Variants in ATP13A3 observed in about 807,000 individuals in gnomAD.
ATP13A3 encodes ATPase 13A3, also known as polyamine-transporting ATPase 13A3.
In ATP13A3, 59 loss-of-function variants were observed where a neutral mutation model predicts 158.1. The observed-to-expected ratio is 0.37, with a 90% CI of 0.30 to 0.46. The LOEUF is 0.46. Ranked by LOEUF, ATP13A3 falls within the 20% of genes least tolerant of loss-of-function variation. The probability of loss-of-function intolerance (pLI) is 1.00; values close to 1 mark genes in which losing one functional copy is unlikely to be tolerated. For synonymous variants in ATP13A3, 491 were observed against 504.3 expected (o/e 0.97, Z 0.35); for missense variants, 1,166 against 1,525.2 (o/e 0.76, Z 3.92).
At chr3:194,455,351 A>G (rs961260653) in intron 8 of ATP13A3, among the ~76,000 whole-genome samples, 29 of 152,214 alleles carry the variant, frequency 1.9e-4, no homozygotes, top group African/African-American at 7.0e-4. Context: ...TTTTCAAAGC[A>G]CTTTCATATA....
At chr3:194,470,430 G>A (rs185317236) in intron 2 of ATP13A3, among the ~76,000 whole-genome samples, 113 of 152,064 alleles carry the variant, frequency 7.4e-4, no homozygotes, top group African/African-American at 2.7e-3. Context: ...GTACTTTATC[G>A]CTTTTATCAT....
chr3:194,425,486 C>A lies in ATP13A3; in HGVS notation c.3169G>T (p.Val1057Leu), dbSNP rs760025962. The change falls in exon 30 of 34, where the codon GTA becomes TTA. Residue 1057 changes from valine (V) to leucine (L), a missense_variant. This residue lies in a region of ATP13A3 where 997 missense variants were observed against 1,341.2 expected (regional missense o/e 0.74). Transcript: ENST00000645319. ...TCATCAAGTTCGGTTTCATTGTCTACGTGTGAAGAATTCCAAAACCCGCTT... is the reference window on the plus strand; with the variant it reads ...TCATCAAGTTCGGTTTCATTGTCTAAGTGTGAAGAATTCCAAAACCCGCTT... ...TGSGFWNSSH[V>L]DNETELDEHN... The A allele has an allele frequency of 6.2e-7, 1 of 1,612,906 alleles. No individual in the cohort carries two copies. The highest frequency in any genetic ancestry group is 1.1e-5 in the South Asian group (1 of 90,616).
At chr3:194,421,068 A>G (rs1331118004) in intron 30 of ATP13A3, among the ~76,000 whole-genome samples, 24 of 126,374 alleles carry the variant, frequency 1.9e-4, no homozygotes, top group Admixed American at 1.9e-3. Context: ...TTCTACAGAA[A>G]CTATACTATA....
chr3:194,432,150 T>A (rs1381262079), intron 21 of ATP13A3: 1 of 385,304 alleles, frequency 2.6e-6, no homozygotes, highest in African/African-American at 2.1e-5. Context: ...TAATTCTCAA[T>A]CTTTTCCAGT....
intron 21 of ATP13A3, 27 bp from the exon 22 acceptor site, chr3:194,431,919 T>C (rs1484574932): frequency 5.3e-6 from 8 of 1,519,034 alleles, no homozygotes; most frequent in Non-Finnish European, 7.1e-6. Flanking sequence ...TTTAAATGTA[T>C]TGAAATTAAA....
At chr3:194,453,554 G>T in intron 10 of ATP13A3, 152 bp downstream of exon 10, 1 of 614,050 alleles carries the variant, frequency 1.6e-6, no homozygotes, top group African/African-American at 1.9e-5. Flanking sequence ...AGCTGAGATT[G>T]TGCCTTTGCA....
In ATP13A3 at chr3:194,467,761, C is replaced by T. The variant is rs916834234; in HGVS notation, c.-46-5525G>A. ...TTTCAATGACTGAGAGGATAAAAAACCACATAAACATATTTAAAATACACT... is the reference window on the plus strand; with the variant it reads ...TTTCAATGACTGAGAGGATAAAAAATCACATAAACATATTTAAAATACACT... On this transcript the variant is annotated intron_variant, in intron 2 of 33. Coordinates refer to ENST00000645319, the MANE Select transcript of ATP13A3 (RefSeq NM_001367549.1). 3.3e-5 allele frequency: 5 copies of T among 151,824 alleles called. No individual in the cohort carries two copies. In the East Asian group the frequency reaches 9.6e-4, roughly 29 times the overall value. The allele number at this position is 151,824 out of a possible 1,614,324, so 9.4% of individuals were successfully genotyped here.
At chr3:194,408,163 G>A (rs1404487673) in intron 33 of ATP13A3, among the ~76,000 whole-genome samples, 2 of 151,970 alleles carry the variant, frequency 1.3e-5, no homozygotes, top group African/African-American at 4.8e-5. Context: ...GGGACTACAG[G>A]CACGCGCCAC....
chr3:194,477,940 A>C lies in ATP13A3; in HGVS notation c.-47+7854T>G, dbSNP rs75092115. ...TTTAGTTTGAGACCACTTATGGTTA[A>C]TTCTTCAGCAGACAGAAAGTTCTCA... is the stretch of plus-strand genomic sequence containing the variant. On this transcript the variant is annotated intron_variant, in intron 2 of 33. Transcript: ENST00000645319. 4.9e-3 allele frequency among the ~76,000 whole-genome samples: 744 copies of C among 152,294 alleles called. 2 individuals carry two copies. Among genetic ancestry groups the C allele is most frequent in the African/African-American group, 0.017 (692 of 41,536 alleles).
At chr3:194,416,381 C>T (rs1307067298) in intron 31 of ATP13A3, among the ~76,000 whole-genome samples, 1 of 152,026 alleles carries the variant, frequency 6.6e-6, no homozygotes, top group African/African-American at 2.4e-5. Flanking sequence ...TTGCTTGAAC[C>T]CGGGAGGTGG....
rs200844810 is a variant in ATP13A3, at chr3:194,410,349, G to GCAT, written c.3573+1847_3573+1849dup. Among the ~76,000 whole-genome samples the GCAT allele has an allele frequency of 4.1e-3, 568 of 139,562 alleles. 8 individuals carry two copies. The highest frequency in any genetic ancestry group is 0.014 in the African/African-American group (522 of 38,108). The allele number at this position is 139,562 out of a possible 152,430, so 91.6% of individuals were successfully genotyped here. On this transcript the variant is annotated intron_variant, in intron 33 of 33. Coordinates refer to ENST00000645319, the MANE Select transcript of ATP13A3 (RefSeq NM_001367549.1). ...AAAAAAAACTGCTGGGCCTGGGATG[G>GCAT]CATGCACCTGTAGTTCCATCTACCC...
At chr3:194,476,962 C>CA (rs1720554162) in intron 2 of ATP13A3, among the ~76,000 whole-genome samples, 1 of 152,154 alleles carries the variant, frequency 6.6e-6, no homozygotes, top group South Asian at 2.1e-4. Flanking sequence ...TAAGATCCTA[C>CA]AGACTCTGGC....
chr3:194,410,304 A>AAAG (rs1715278241), intron 33 of ATP13A3, among the ~76,000 whole-genome samples: 1 of 135,600 alleles, frequency 7.4e-6, no homozygotes, highest in East Asian at 2.1e-4. Context: ...TGCAAAAAAA[A>AAAG]AAAAAAAAAA....
At chr3:194,414,070 T>TA (rs1715632940) in intron 31 of ATP13A3, among the ~76,000 whole-genome samples, 1 of 152,138 alleles carries the variant, frequency 6.6e-6, no homozygotes, top group Non-Finnish European at 1.5e-5. Flanking sequence ...TGACTGAGGT[T>TA]AGAGTCAAAT....
At position 194,403,869 on chromosome 3, in the gene ATP13A3, T is replaced by G. The variant is rs1447668376; in HGVS notation, c.*2050A>C. 2.7e-5 allele frequency: 7 copies of G among 255,708 alleles called. No individual in the cohort carries two copies. The highest frequency in any genetic ancestry group is 1.5e-3 in the Middle Eastern group (1 of 676). The allele number at this position is 255,708 out of a possible 1,614,324, so 15.8% of individuals were successfully genotyped here. A position where few individuals can be genotyped will look rare whatever the true frequency, so the allele number is the denominator to read the frequency against. On this transcript the variant is annotated 3_prime_UTR_variant, in exon 34 of 34. Transcript: ENST00000645319. ...ACACCTCATTCCTTTGAAAACAATA[T>G]GGACAGAAGAGATATAAAACCCTTA...
At position 194,450,254 on chromosome 3, in the gene ATP13A3, G is replaced by A. The variant is rs772525422; in HGVS notation, c.861C>T (p.Thr287=). The A allele has an allele frequency of 4.1e-5, 66 of 1,611,954 alleles. No homozygotes were observed. The highest frequency in any genetic ancestry group is 1.9e-4 in the South Asian group (17 of 90,954). Residue 287 remains threonine, a synonymous_variant, in exon 11 of 34, where the codon ACC becomes ACT. Coordinates refer to ENST00000645319, the MANE Select transcript of ATP13A3 (RefSeq NM_001367549.1). ...CCATGACATCTCCTGGCACAAGGTCGGTAGAAAAGATTTCTTCTATTTCTG... is the reference window on the plus strand; with the variant it reads ...CCATGACATCTCCTGGCACAAGGTCAGTAGAAAAGATTTCTTCTATTTCTG... The part of the protein sequence containing the change: ...VNEEIEEIFS[T]DLVPGDVMVI...
chr3:194,460,664 C>G lies in ATP13A3; in HGVS notation c.219G>C (p.Arg73Ser), dbSNP rs1719585667. 6.2e-7 allele frequency: 1 copy of G among 1,613,844 alleles called. No homozygotes were observed. The highest frequency in any genetic ancestry group is 1.3e-5 in the African/African-American group (1 of 75,036). ...AGTAAACACATAAACTTACAGTAGT[C>G]CTCAGCAGCACTACTTCACAGTCTT... is the stretch of plus-strand genomic sequence containing the variant. ...AIKDCEVVLL[R>S]TTDEFKMWFC... is the part of the protein sequence containing the mutation. Residue 73 changes from arginine (R) to serine (S), a missense_variant, in exon 4 of 34, where the codon AGG becomes AGC. Arg to Ser is a moderately radical substitution (Grantham distance 110). Around this residue, in one of 3 missense-constraint regions of ATP13A3, gnomAD observed 65 missense variants for 92.4 expected, o/e 0.70. Transcript: ENST00000645319.
chr3:194,436,971 AATATT>A, intron 20 of ATP13A3, 119 bp downstream of exon 20: 1 of 1,242,536 alleles, frequency 8.0e-7, no homozygotes, highest in African/African-American at 1.5e-5. Context: ...CACCTAAAAC[AATATT>A]ATATTAGATA....
intron 2 of ATP13A3, among the ~76,000 whole-genome samples, chr3:194,470,114 A>G (rs540004719): frequency 4.6e-5 from 7 of 152,260 alleles, no homozygotes; most frequent in Admixed American, 4.6e-4. Context: ...GATACCAGCT[A>G]AATTTTAACA....
Sources: gnomAD v4.1 joint callset for allele counts (sites outside exome capture counted in the v4.1 genomes callset) on GRCh38, gnomAD v4.1.1 for gene constraint, gnomAD v4.1.1 regional missense constraint, MANE v1.5 for transcripts, NCBI Gene and HGNC (gene_info 2026-07-23, HGNC 2026-07-21) for gene names.